Variants in GALNT10 observed in about 807,000 individuals in gnomAD.
The protein encoded by GALNT10 is GalNAc transferase 10.
GALNT10 carries 41 observed loss-of-function variants against 75.0 expected under a neutral mutation model. The observed-to-expected ratio is 0.55, with a 90% CI of 0.43 to 0.71. The LOEUF (loss-of-function observed/expected upper bound fraction) is 0.71. Among genes scored for constraint, GALNT10 ranks in the 30% least tolerant of loss-of-function variants. GALNT10 has a pLI of 0.00. For missense variants in GALNT10, 727 were observed against 818.5 expected, an observed-to-expected ratio of 0.89 and a Z score of 1.36; for synonymous variants, 302 against 313.0, an observed-to-expected ratio of 0.96 and a Z score of 0.37.
chr5:154,399,492 G>A (rs188120699), intron 7 of GALNT10, among the ~76,000 whole-genome samples: 66 of 152,310 alleles, frequency 4.3e-4, no homozygotes, highest in South Asian at 3.1e-3. Context: ...GATCCAGCCC[G>A]AAAGAGATGG....
chr5:154,254,343 A>T (rs1274515903), intron 1 of GALNT10, among the ~76,000 whole-genome samples: 1 of 152,124 alleles, frequency 6.6e-6, no homozygotes, highest in Non-Finnish European at 1.5e-5. Flanking sequence ...CATCCCTTTG[A>T]TTCTTCCAGT....
chr5:154,339,336 A>G (rs1754994833), intron 4 of GALNT10, among the ~76,000 whole-genome samples: 1 of 152,234 alleles, frequency 6.6e-6, no homozygotes, highest in African/African-American at 2.4e-5. Flanking sequence ...TATCTTTGAC[A>G]TCCTAAACGC....
At chr5:154,262,285 G>GC (rs1437530066) in intron 1 of GALNT10, among the ~76,000 whole-genome samples, 1 of 152,184 alleles carries the variant, frequency 6.6e-6, no homozygotes, top group Non-Finnish European at 1.5e-5. Flanking sequence ...CTAAGCCAGA[G>GC]CTAGGTCACG....
At chr5:154,356,008 G>T (rs889662120) in intron 4 of GALNT10, 1 of 408,602 alleles carries the variant, frequency 2.4e-6, no homozygotes, top group Non-Finnish European at 4.9e-6. Flanking sequence ...CAGACATTTG[G>T]CTCCATGACA....
chr5:154,262,104 G>A (rs745817155), intron 1 of GALNT10, among the ~76,000 whole-genome samples: 21 of 152,260 alleles, frequency 1.4e-4, no homozygotes, highest in Non-Finnish European at 1.9e-4. Flanking sequence ...CCTTTGACAA[G>A]GAATACATTT....
At chr5:154,290,863 C>T (rs185793403) in intron 1 of GALNT10, among the ~76,000 whole-genome samples, 10 of 152,188 alleles carry the variant, frequency 6.6e-5, no homozygotes, top group Admixed American at 5.2e-4. Flanking sequence ...GTAAGATGAG[C>T]GGAGGTGTAC....
chr5:154,210,385 T>TACACACACACACACACAC (rs35928766), intron 1 of GALNT10, among the ~76,000 whole-genome samples: 1 of 148,878 alleles, frequency 6.7e-6, no homozygotes. Flanking sequence ...CACACATGCA[T>TACACACACACACACACAC]ACACACACAC....
At chr5:154,357,581 C>A (rs980606888) in intron 4 of GALNT10, among the ~76,000 whole-genome samples, 14 of 152,102 alleles carry the variant, frequency 9.2e-5, no homozygotes, top group Admixed American at 5.9e-4. Context: ...CTTATTTGGC[C>A]TTCAAAATAA....
rs1756519258 is a variant in GALNT10 at position 154,416,761 on chromosome 5, G to A, written c.1654-53G>A. The A allele has an allele frequency of 3.8e-6, 5 of 1,305,064 alleles. No homozygotes were observed. In the East Asian group the frequency reaches 6.9e-5, roughly 18 times the overall value. The allele number at this position is 1,305,064 out of a possible 1,614,324, so 80.8% of individuals were successfully genotyped here. ...ATTGCTGGTATTGTTGCTGTGGTTT[G>A]ACTGGCCACATGTCTCCAGTGCTGT... is the stretch of plus-strand genomic sequence containing the variant. On this transcript the variant is annotated intron_variant, in intron 11 of 11. Transcript: ENST00000297107. This position sits in a 1 kb window ranked among gnomAD's most constrained non-coding sequence, Gnocchi z 4.5.
At chr5:154,354,289 G>C (rs1755255914) in intron 4 of GALNT10, among the ~76,000 whole-genome samples, 1 of 152,220 alleles carries the variant, frequency 6.6e-6, no homozygotes, top group Admixed American at 6.5e-5. Context: ...ATTTGGGGAA[G>C]GGGAGTGTGA....
chr5:154,333,667 C>G (rs1216765510), intron 4 of GALNT10, among the ~76,000 whole-genome samples: 1 of 152,096 alleles, frequency 6.6e-6, no homozygotes, highest in East Asian at 1.9e-4. Context: ...AATATTAATT[C>G]AATGTGGTGC....
Position 154,386,409 on chromosome 5 carries a change from G to C in GALNT10, c.1035G>C (p.Glu345Asp). 6.2e-7 allele frequency: 1 copy of C among 1,611,590 alleles called. No individual in the cohort carries two copies. Residue 345 changes from glutamate to aspartate, a missense_variant, in exon 7 of 12, where the codon GAG (glutamate) becomes GAC (aspartate). Coordinates refer to ENST00000297107, the MANE Select transcript of GALNT10 (RefSeq NM_198321.4). ...YDPGLEIWGG[E>D]QYEISFKVWM... is the part of the protein sequence containing the mutation. ...CAGGCTTGGAGATCTGGGGAGGGGA[G>C]CAGTATGAAATCTCCTTCAAGGTGA...
Position 154,415,908 on chromosome 5 carries a change from C to T in GALNT10, c.1629C>T (p.Gly543=), listed in dbSNP as rs1756496676. The T allele has an allele frequency of 1.2e-6, 2 of 1,614,066 alleles. No individual in the cohort carries two copies. The highest frequency in any genetic ancestry group is 2.2e-5 in the South Asian group (2 of 91,070). The change falls in exon 11 of 12, where the codon GGC becomes GGT. Residue 543 remains glycine, a synonymous_variant. Coordinates refer to ENST00000297107, the MANE Select transcript of GALNT10 (RefSeq NM_198321.4). ...TGTACGACTGCCACAGCATGAAGGG[C>T]AACCAGCTGTGGAAATACCGCAAAG... ...VTLYDCHSMK[G]NQLWKYRKDK... is the part of the protein sequence containing the mutation.
chr5:154,260,231 C>T (rs1290181826), intron 1 of GALNT10, among the ~76,000 whole-genome samples: 1 of 152,130 alleles, frequency 6.6e-6, no homozygotes, highest in Non-Finnish European at 1.5e-5. Context: ...CCCAACCCTC[C>T]CAAAAAAACC....
At chr5:154,325,689 C>T (rs1581974570) in intron 3 of GALNT10, among the ~76,000 whole-genome samples, 2 of 149,806 alleles carry the variant, frequency 1.3e-5, no homozygotes, top group East Asian at 3.9e-4. Flanking sequence ...GATTAAAACA[C>T]TCAGCAAACT....
At chr5:154,343,380 A>G (rs956531464) in intron 4 of GALNT10, among the ~76,000 whole-genome samples, 1 of 152,228 alleles carries the variant, frequency 6.6e-6, no homozygotes, top group African/African-American at 2.4e-5. Flanking sequence ...CACAGCTGAC[A>G]TCTCTGGCCC....
At chr5:154,272,646 A>G (rs943498315) in intron 1 of GALNT10, among the ~76,000 whole-genome samples, 1 of 152,188 alleles carries the variant, frequency 6.6e-6, no homozygotes, top group African/African-American at 2.4e-5. Flanking sequence ...CCATGTTCCT[A>G]TCCCAGCTAC....
intron 4 of GALNT10, chr5:154,337,511 G>A: frequency 1.4e-6 from 1 of 735,280 alleles, no homozygotes; most frequent in Non-Finnish European, 2.5e-6. Flanking sequence ...TACTAGAACT[G>A]CCATAGGCAC....
intron 1 of GALNT10, among the ~76,000 whole-genome samples, chr5:154,200,129 G>A (rs904503685): frequency 1.3e-5 from 2 of 152,168 alleles, no homozygotes; most frequent in African/African-American, 4.8e-5. Context: ...AGGCCTCAGT[G>A]GGAGGTTATC....
Sources: allele counts gnomAD v4.1 joint callset (sites outside exome capture counted in the v4.1 genomes callset), GRCh38; gene constraint gnomAD v4.1.1; non-coding constraint Gnocchi (gnomAD v3.1); transcripts MANE v1.5; gene names NCBI Gene and HGNC (gene_info 2026-07-23, HGNC 2026-07-21).